COL11A1: variants seen among roughly 807,000 people sequenced by gnomAD.
COL11A1 encodes collagen type XI alpha 1 chain, also known as collagen alpha-1(XI) chain.
COL11A1 carries 74 observed loss-of-function variants against 265.2 expected under a neutral mutation model. The ratio of observed to expected loss-of-function variants is 0.28; its 90% CI spans 0.23 to 0.34. The LOEUF (loss-of-function observed/expected upper bound fraction) is 0.34. Ranked by LOEUF, COL11A1 falls within the 10% of genes least tolerant of loss-of-function variation. The probability of loss-of-function intolerance (pLI) is 1.00; values close to 1 mark genes in which losing one functional copy is unlikely to be tolerated. For synonymous variants in COL11A1, 816 were observed against 727.6 expected, an observed-to-expected ratio of 1.12 and a Z score of -1.96; for missense variants, 2,165 against 2,263.6, an observed-to-expected ratio of 0.96 and a Z score of 0.88.
chr1:102,987,484 G>A, intron 30 of COL11A1, 149 bp downstream of exon 30: 1 of 723,994 alleles, frequency 1.4e-6, no homozygotes, highest in Non-Finnish European at 2.4e-6. Flanking sequence ...AAACGTAAAT[G>A]TAATGGTTGC....
intron 4 of COL11A1, among the ~76,000 whole-genome samples, chr1:103,061,267 T>C (rs923783769): frequency 6.6e-6 from 1 of 152,062 alleles, no homozygotes; most frequent in Admixed American, 6.5e-5. Flanking sequence ...ATCTAATAGA[T>C]ATGGAAGGAA....
chr1:103,049,689 T>C (rs1046297148), intron 4 of COL11A1, among the ~76,000 whole-genome samples: 4 of 152,220 alleles, frequency 2.6e-5, no homozygotes, highest in Non-Finnish European at 5.9e-5. Context: ...AGTTTCTTCC[T>C]AGCCTTGATG....
At chr1:103,015,617 A>G in intron 12 of COL11A1, 51 bp downstream of exon 12, 1 of 1,376,864 alleles carries the variant, frequency 7.3e-7, no homozygotes, top group Non-Finnish European at 1.0e-6. Context: ...AAACTTCAGA[A>G]AAAAGATGAC....
At chr1:102,945,471 G>A (rs1659170288) in intron 42 of COL11A1, among the ~76,000 whole-genome samples, 1 of 152,038 alleles carries the variant, frequency 6.6e-6, no homozygotes, top group Non-Finnish European at 1.5e-5. Context: ...CAGAAATATT[G>A]GAATAATATC....
chr1:103,018,964 T>C (rs1414012015), intron 9 of COL11A1, 105 bp from the exon 10 acceptor site: 1 of 882,202 alleles, frequency 1.1e-6, no homozygotes, highest in Non-Finnish European at 1.8e-6. Context: ...AAATAGTGAA[T>C]TATCTATTCA....
intron 4 of COL11A1, among the ~76,000 whole-genome samples, chr1:103,046,542 C>A (rs1167900899): frequency 6.6e-6 from 1 of 150,730 alleles, no homozygotes; most frequent in Admixed American, 6.6e-5. Context: ...AAATTTTCTC[C>A]CATTCTGTAG....
intron 14 of COL11A1, among the ~76,000 whole-genome samples, chr1:103,010,174 A>T (rs17507566): frequency 0.01 from 1,598 of 152,294 alleles, 8 homozygotes; most frequent in Non-Finnish European, 0.016. Flanking sequence ...AGATGTAAAC[A>T]ATTGGTTAAA....
rs772360783 is a variant in COL11A1, at chr1:102,974,813, G to A, written c.2808+17C>T. On this transcript the variant is annotated intron_variant, in intron 36 of 66. Transcript: ENST00000370096. ...AATATCAAATGAAGAAAGAGAAAGA[G>A]AAGCTCTGACACTTACAGGAGGGCC... The A allele has an allele frequency of 2.5e-6, 4 of 1,602,838 alleles. No individual in the cohort carries two copies. The highest frequency in any genetic ancestry group is 3.4e-6 in the Non-Finnish European group (4 of 1,170,044).
intron 4 of COL11A1, among the ~76,000 whole-genome samples, chr1:103,050,443 C>A (rs997221197): frequency 1.3e-5 from 2 of 152,182 alleles, no homozygotes; most frequent in African/African-American, 4.8e-5. Flanking sequence ...CCTTGGTTTT[C>A]AGTTCCATCA....
Position 103,012,403 on chromosome 1 carries a change from G to A in COL11A1, c.1629+10C>T. The stretch of plus-strand genomic sequence containing the variant: ...TTTTAACATATATTATCTTTGTTGG[G>A]GTAACCTACCACAGGACCTGGTCTT... On this transcript the variant is annotated intron_variant, in intron 14 of 66. Coordinates refer to ENST00000370096, the MANE Select transcript of COL11A1 (RefSeq NM_001854.4). The A allele has an allele frequency of 6.2e-7, 1 of 1,610,860 alleles. No individual in the cohort carries two copies. Among genetic ancestry groups the A allele is most frequent in the Non-Finnish European group, 8.5e-7 (1 of 1,177,334 alleles).
At chr1:103,018,909 C>T (rs183504867) in intron 9 of COL11A1, 50 bp from the exon 10 acceptor site, 3 of 1,406,216 alleles carry the variant, frequency 2.1e-6, no homozygotes, top group African/African-American at 1.4e-5. Context: ...AACCCCCAAC[C>T]TCTTAATTAC....
At chr1:103,075,410 C>A (rs1671898697) in intron 3 of COL11A1, among the ~76,000 whole-genome samples, 2 of 152,142 alleles carry the variant, frequency 1.3e-5, no homozygotes, top group African/African-American at 2.4e-5. Context: ...GACACAATAT[C>A]TTTCCTTCTT....
At position 102,898,977 on chromosome 1, in the gene COL11A1, T is replaced by C; in HGVS notation, c.4104A>G (p.Ala1368=). The part of the protein sequence containing the change: ...PPGKRGPPGA[A]GAEGRQGEKG... ...TTTCACCTTGTCTTCCCTCTGCACC[T>C]GCAGCTCCAGGAGGACCCTATAGAC... The change falls in exon 55 of 67, where the codon GCA becomes GCG. Residue 1368 remains alanine, a synonymous_variant. Transcript: ENST00000370096. The C allele has an allele frequency of 6.5e-7, 1 of 1,550,006 alleles. No individual in the cohort carries two copies. The highest frequency in any genetic ancestry group is 8.8e-7 in the Non-Finnish European group (1 of 1,140,722).
At chr1:103,058,213 G>T (rs1160289736) in intron 4 of COL11A1, among the ~76,000 whole-genome samples, 1 of 152,094 alleles carries the variant, frequency 6.6e-6, no homozygotes, top group Admixed American at 6.6e-5. Flanking sequence ...ATCATGAACT[G>T]GCTTCTGCTA....
At chr1:102,928,529 T>A (rs1211425602) in intron 46 of COL11A1, among the ~76,000 whole-genome samples, 1 of 152,194 alleles carries the variant, frequency 6.6e-6, no homozygotes, top group African/African-American at 2.4e-5. Flanking sequence ...GTTCCAAGTC[T>A]TTGCTGTTGT....
chr1:103,075,035 C>T (rs1489318122), intron 3 of COL11A1, among the ~76,000 whole-genome samples: 1 of 152,064 alleles, frequency 6.6e-6, no homozygotes, highest in Non-Finnish European at 1.5e-5. Context: ...AGGAAGTGCC[C>T]ATCCTTTGCT....
At chr1:103,049,630 G>C (rs1465864233) in intron 4 of COL11A1, among the ~76,000 whole-genome samples, 6 of 152,154 alleles carry the variant, frequency 3.9e-5, no homozygotes, top group Admixed American at 3.3e-4. Flanking sequence ...GTGTTAATTT[G>C]ATCCTGCCAT....
intron 41 of COL11A1, among the ~76,000 whole-genome samples, chr1:102,952,745 G>A (rs2101483066): frequency 6.6e-6 from 1 of 152,244 alleles, no homozygotes; most frequent in African/African-American, 2.4e-5. Flanking sequence ...ATCTATAAAT[G>A]AAAAGTGAAA....
intron 21 of COL11A1, among the ~76,000 whole-genome samples, 187 bp downstream of exon 21, chr1:103,003,028 T>C (rs547412035): frequency 6.6e-4 from 101 of 152,094 alleles, no homozygotes; most frequent in Admixed American, 1.8e-3. Flanking sequence ...AACACTAAGA[T>C]AGATAATCAA....
Sources: gnomAD v4.1 joint callset for allele counts (sites outside exome capture counted in the v4.1 genomes callset) on GRCh38, gnomAD v4.1.1 for gene constraint, MANE v1.5 for transcripts, NCBI Gene and HGNC (gene_info 2026-07-23, HGNC 2026-07-21) for gene names.